Variants in PROC observed in about 807,000 individuals in gnomAD.
PROC encodes vitamin K-dependent protein C.
PROC carries 22 observed loss-of-function variants against 36.3 expected under a neutral mutation model. The ratio of observed to expected loss-of-function variants is 0.61; its 90% CI spans 0.43 to 0.86. PROC has a LOEUF of 0.86. PROC is among the 40% of genes least tolerant of loss of function. The probability of loss-of-function intolerance (pLI) is 0.00; values close to 1 mark genes in which losing one functional copy is unlikely to be tolerated. For missense variants in PROC, 526 were observed against 629.7 expected, an observed-to-expected ratio of 0.84 and a Z score of 1.76; for synonymous variants, 218 against 244.5, an observed-to-expected ratio of 0.89 and a Z score of 1.01.
At chr2:127,419,619 C>T (rs1462195489) in intron 1 of PROC, 1 of 471,900 alleles carries the variant, frequency 2.1e-6, no homozygotes, top group Non-Finnish European at 3.9e-6. Flanking sequence ...TATTCTCAGC[C>T]CAGTCATCAG....
rs955300793 is a variant in PROC, at chr2:127,422,904, G to T, written c.238-13G>T. ...CGGCTGCAGGAGCCTGACGCTGCCCGCTCTCTCCGCAGCTGGCCTTCTGGT... is the reference window on the plus strand; with the variant it reads ...CGGCTGCAGGAGCCTGACGCTGCCCTCTCTCTCCGCAGCTGGCCTTCTGGT... On this transcript the variant is annotated splice_polypyrimidine_tract_variant and intron_variant, in intron 3 of 8. Coordinates refer to ENST00000234071, the MANE Select transcript of PROC (RefSeq NM_000312.4). The T allele has an allele frequency of 1.9e-6, 3 of 1,558,882 alleles. No homozygotes were observed. Among genetic ancestry groups the T allele is most frequent in the Non-Finnish European group, 1.7e-6 (2 of 1,152,284 alleles).
chr2:127,423,254 G>C lies in PROC; in HGVS notation c.401-20G>C, dbSNP rs1688241677. 3 of 1,538,146 alleles carry C rather than the reference G, an allele frequency of 2.0e-6. No individual in the cohort carries two copies. In the South Asian group the frequency reaches 3.6e-5, roughly 19 times the overall value. On this transcript the variant is annotated intron_variant, in intron 5 of 8. Transcript: ENST00000234071. ...GGCGCGGCACCAGCACCAGCTGCCC[G>C]CGCCCTCCCCTGCCCGCAGAGGTGA...
intron 6 of PROC, 182 bp downstream of exon 6, chr2:127,423,590 C>A: frequency 2.5e-6 from 2 of 786,258 alleles, no homozygotes; most frequent in East Asian, 3.2e-5. Context: ...GCAATCAGCC[C>A]GGGAGCTGGG....
chr2:127,423,805 G>C (rs1274563312), intron 6 of PROC, among the ~76,000 whole-genome samples: 1 of 152,250 alleles, frequency 6.6e-6, no homozygotes, highest in Non-Finnish European at 1.5e-5. Context: ...GGCGTGCATC[G>C]CATTTCCCTC....
chr2:127,423,130 G>T lies in PROC; in HGVS notation c.359G>T (p.Cys120Phe). Reference protein sequence around the residue: ...TCIDGIGSFSCDCRSGWEGRF... With the variant: ...TCIDGIGSFSFDCRSGWEGRF... ...ATCGACGGCATCGGCAGCTTCAGCT[G>T]CGACTGCCGCAGCGGCTGGGAGGGC... Residue 120 changes from cysteine to phenylalanine, a missense_variant, in exon 5 of 9, where the codon TGC becomes TTC. Transcript: ENST00000234071. The T allele has an allele frequency of 6.2e-7, 1 of 1,605,682 alleles. No homozygotes were observed.
chr2:127,429,044 C>G lies in PROC; in HGVS notation c.*98C>G. 7.2e-7 allele frequency: 1 copy of G among 1,384,760 alleles called. No individual in the cohort carries two copies. The highest frequency in any genetic ancestry group is 1.2e-5 in the South Asian group (1 of 84,332). 85.8% of individuals were successfully genotyped at this position (1,384,760 alleles called of 1,614,324 possible). ...CGGCCTGCTGTTCTGTCCTTCCATC[C>G]CTCTTTTGGGCTCTTCTGGAGGGAA... On this transcript the variant is annotated 3_prime_UTR_variant, in exon 9 of 9. Coordinates refer to ENST00000234071, the MANE Select transcript of PROC (RefSeq NM_000312.4).
intron 8 of PROC, among the ~76,000 whole-genome samples, 154 bp downstream of exon 8, chr2:127,427,376 G>T (rs1688578905): frequency 6.6e-6 from 1 of 152,020 alleles, no homozygotes; most frequent in South Asian, 2.1e-4. Flanking sequence ...AGGCCTATGT[G>T]CCCCCACCCT....
chr2:127,419,822 C>T (rs919779890), intron 1 of PROC, 100 bp from the exon 2 acceptor site: 4 of 1,593,152 alleles, frequency 2.5e-6, no homozygotes, highest in Non-Finnish European at 3.4e-6. Context: ...CCCTGACGGC[C>T]AGCACACAGG....
Position 127,420,433 on chromosome 2 carries a change from C to G in PROC, c.70+421C>G, listed in dbSNP as rs559894756. On this transcript the variant is annotated intron_variant, in intron 2 of 8. Coordinates refer to ENST00000234071, the MANE Select transcript of PROC (RefSeq NM_000312.4). ...GCCCCAACCCCTTTCCTGGTCTCCA[C>G]AGCCAACGGGAGGAGGCCATGATTC... 5.9e-5 allele frequency among the ~76,000 whole-genome samples: 9 copies of G among 152,302 alleles called. No homozygotes were observed. In the South Asian group the frequency reaches 1.9e-3, roughly 32 times the overall value.
chr2:127,422,937 C>T lies in PROC; in HGVS notation c.258C>T (p.His86=). The part of the protein sequence containing the change: ...VDDTLAFWSK[H]VDGDQCLVLP... ...CGCAGCTGGCCTTCTGGTCCAAGCA[C>T]GTCGGTGAGTGCGTTCTAGATCCCC... The change falls in exon 4 of 9, where the codon CAC becomes CAT. Residue 86 remains histidine (H), a synonymous_variant. Transcript: ENST00000234071. 1.9e-6 allele frequency: 3 copies of T among 1,590,790 alleles called. No homozygotes were observed. Among genetic ancestry groups the T allele is most frequent in the Non-Finnish European group, 2.6e-6 (3 of 1,169,768 alleles).
Position 127,429,019 on chromosome 2 carries a change from C to A in PROC, c.*73C>A, listed in dbSNP as rs199469473. ...TTAAAGGGACATGTAACAAGCACACCGGCCTGCTGTTCTGTCCTTCCATCC... is the reference window on the plus strand; with the variant it reads ...TTAAAGGGACATGTAACAAGCACACAGGCCTGCTGTTCTGTCCTTCCATCC... On this transcript the variant is annotated 3_prime_UTR_variant, in exon 9 of 9. Transcript: ENST00000234071. The A allele has an allele frequency of 2.0e-6, 3 of 1,528,266 alleles. No homozygotes were observed. Among genetic ancestry groups the A allele is most frequent in the Non-Finnish European group, 2.7e-6 (3 of 1,105,158 alleles). The allele number at this position is 1,528,266 out of a possible 1,614,324, so 94.7% of individuals were successfully genotyped here. A position where few individuals can be genotyped will look rare whatever the true frequency, so the allele number is the denominator to read the frequency against.
rs777724336 is a variant in PROC at position 127,420,028 on chromosome 2, C to T, written c.70+16C>T. ...GCTCCTCTTGGTAAGGCCACCCCAC[C>T]CCTACCCCGGGACCCTTGTGGCCTC... On this transcript the variant is annotated intron_variant, in intron 2 of 8. Transcript: ENST00000234071. 3 of 1,612,622 alleles carry T rather than the reference C, an allele frequency of 1.9e-6. No homozygotes were observed. Among genetic ancestry groups the T allele is most frequent in the Non-Finnish European group, 2.5e-6 (3 of 1,179,770 alleles).
At chr2:127,420,493 G>A (rs1050155601) in intron 2 of PROC, among the ~76,000 whole-genome samples, 2 of 152,166 alleles carry the variant, frequency 1.3e-5, no homozygotes, top group Admixed American at 1.3e-4. Flanking sequence ...GGCCCCTAAA[G>A]CCACACCAGG....
chr2:127,428,102 G>A (rs183926104), intron 8 of PROC, among the ~76,000 whole-genome samples: 1 of 152,360 alleles, frequency 6.6e-6, no homozygotes, highest in African/African-American at 2.4e-5. Context: ...AAACCAACCA[G>A]CATCCTACCT....
chr2:127,425,131 C>G (rs912483983), intron 6 of PROC, among the ~76,000 whole-genome samples: 10 of 152,220 alleles, frequency 6.6e-5, no homozygotes, highest in African/African-American at 2.4e-4. Context: ...TCTCAACATG[C>G]CCTCCCACCT....
At chr2:127,421,230 A>C in intron 2 of PROC, 53 bp from the exon 3 acceptor site, 3 of 1,578,424 alleles carry the variant, frequency 1.9e-6, no homozygotes, top group Non-Finnish European at 1.7e-6. Context: ...TCATGGCCCC[A>C]GCCCCTCTTA....
Position 127,426,388 on chromosome 2 carries a change from C to T in PROC, c.678+161C>T. 1 of 1,095,088 alleles carries T rather than the reference C, an allele frequency of 9.1e-7. No homozygotes were observed. The highest frequency in any genetic ancestry group is 1.5e-5 in the South Asian group (1 of 68,410). 67.8% of individuals were successfully genotyped at this position (1,095,088 alleles called of 1,614,324 possible). On this transcript the variant is annotated intron_variant, in intron 7 of 8. Transcript: ENST00000234071. This position sits in a 1 kb window ranked among gnomAD's most constrained non-coding sequence, Gnocchi z 7.0. The stretch of plus-strand genomic sequence containing the variant: ...ATGCTTCAGGGAAAGATGGACGCAA[C>T]CTGAGGGGAGAGGAGCAGCCAGGGT...
chr2:127,428,261 A>G, intron 8 of PROC, 96 bp from the exon 9 acceptor site: 1 of 1,231,994 alleles, frequency 8.1e-7, no homozygotes, highest in Non-Finnish European at 1.2e-6. Flanking sequence ...CCCTCTGCCC[A>G]GGCCTGCAGG....
rs1024459021 is a variant in PROC at position 127,418,898 on chromosome 2, G to A, written c.-22+406G>A. Among the ~76,000 whole-genome samples, 9 of 152,224 alleles carry A rather than the reference G, an allele frequency of 5.9e-5. No individual in the cohort carries two copies. Among genetic ancestry groups the A allele is most frequent in the Admixed American group, 3.9e-4 (6 of 15,282 alleles). On this transcript the variant is annotated intron_variant, in intron 1 of 8. Transcript: ENST00000234071. The surrounding 1 kb of genome is among the most constrained non-coding windows in gnomAD (Gnocchi z 4.8). ...GGCCACGTGGCCTATCCACTGGGGA[G>A]GGTTCCTTGATCTCTGGCCACCAGG...
Sources: gnomAD v4.1 joint callset for allele counts (sites outside exome capture counted in the v4.1 genomes callset) on GRCh38, gnomAD v4.1.1 for gene constraint, Gnocchi (gnomAD v3.1) non-coding constraint, MANE v1.5 for transcripts, NCBI Gene and HGNC (gene_info 2026-07-23, HGNC 2026-07-21) for gene names.